The following TMEM266 variants were observed in gnomAD, a reference collection of about 807,000 sequenced individuals.
TMEM266 encodes transmembrane protein 266, also known as Hv1 related protein 1.
In TMEM266, 33 loss-of-function variants were observed where a neutral mutation model predicts 50.5. The observed-to-expected ratio is 0.65, with a 90% CI of 0.50 to 0.87. The LOEUF (loss-of-function observed/expected upper bound fraction) is 0.87. Among genes scored for constraint, TMEM266 ranks in the 40% least tolerant of loss-of-function variants. TMEM266 has a pLI of 0.00. For missense variants in TMEM266, 655 were observed against 695.1 expected (o/e 0.94, Z 0.65); for synonymous variants, 310 against 292.3 (o/e 1.06, Z -0.62).
chr15:76,162,154 C>A (rs1262381803), intron 5 of TMEM266, among the ~76,000 whole-genome samples: 2 of 152,118 alleles, frequency 1.3e-5, no homozygotes, highest in Admixed American at 1.3e-4. Context: ...GCAGGGTCTG[C>A]AGGAGACTGG....
Position 76,203,871 on chromosome 15 carries a change from C to G in TMEM266, c.1152C>G (p.Ala384=), listed in dbSNP as rs1288358838. Reference sequence around the variant, plus strand: ...AACTCGGCGGTAATGGCACCAGCGCCACCTCGGAGAGTGCCTCCCGCAGCT... The same window carrying G: ...AACTCGGCGGTAATGGCACCAGCGCGACCTCGGAGAGTGCCTCCCGCAGCT... Residue 384 remains alanine (A), a synonymous_variant, in exon 11 of 11, where the codon GCC becomes GCG. Coordinates refer to ENST00000388942, the MANE Select transcript of TMEM266 (RefSeq NM_152335.3). 2 of 1,614,102 alleles carry G rather than the reference C, an allele frequency of 1.2e-6. No individual in the cohort carries two copies. Among genetic ancestry groups the G allele is most frequent in the African/African-American group, 1.3e-5 (1 of 74,948 alleles).
rs988040137 is a variant in TMEM266 at position 76,160,625 on chromosome 15, G to A, written c.456+457G>A. Among the ~76,000 whole-genome samples the A allele has an allele frequency of 2.0e-5, 3 of 152,222 alleles. No individual in the cohort carries two copies. Among genetic ancestry groups the A allele is most frequent in the Non-Finnish European group, 4.4e-5 (3 of 68,044 alleles). The stretch of plus-strand genomic sequence containing the variant: ...TGGGGCTGAAGCACGCAGTGGGTGG[G>A]GGAACGGGGTCACAGGGCCAGGCAG... On this transcript the variant is annotated intron_variant, in intron 5 of 10. Transcript: ENST00000388942. This position sits in a 1 kb window ranked among gnomAD's most constrained non-coding sequence, Gnocchi z 5.7.
chr15:76,141,971 T>C (rs2037686332), intron 3 of TMEM266, among the ~76,000 whole-genome samples: 1 of 152,272 alleles, frequency 6.6e-6, no homozygotes, highest in South Asian at 2.1e-4. Flanking sequence ...TACCACACTT[T>C]GTTTATCCAT....
At chr15:76,082,618 C>T (rs377639785) in intron 1 of TMEM266, among the ~76,000 whole-genome samples, 43 of 130,834 alleles carry the variant, frequency 3.3e-4, no homozygotes, top group African/African-American at 1.1e-3. Flanking sequence ...GGTGAAGGGG[C>T]GGCAAGCGTG....
At chr15:76,109,766 G>A (rs973087500) in intron 1 of TMEM266, among the ~76,000 whole-genome samples, 4 of 147,016 alleles carry the variant, frequency 2.7e-5, no homozygotes, top group African/African-American at 5.1e-5. Context: ...CTGGAGTACA[G>A]TGGTGTGATC....
At chr15:76,140,373 T>G (rs1417075315) in intron 3 of TMEM266, among the ~76,000 whole-genome samples, 7 of 152,144 alleles carry the variant, frequency 4.6e-5, no homozygotes. Flanking sequence ...TTTCCTGGGG[T>G]TTTCCCAAAA....
chr15:76,201,571 C>T (rs555929433), intron 9 of TMEM266, among the ~76,000 whole-genome samples: 38 of 152,290 alleles, frequency 2.5e-4, no homozygotes, highest in African/African-American at 8.9e-4. Flanking sequence ...TTCCCACCCC[C>T]CTTGACATGA....
intron 2 of TMEM266, among the ~76,000 whole-genome samples, chr15:76,134,553 G>A (rs1264742587): frequency 1.3e-5 from 2 of 152,202 alleles, no homozygotes; most frequent in African/African-American, 2.4e-5. Flanking sequence ...TATGAAACCC[G>A]GGGCAGAATT....
chr15:76,190,601 G>T (rs1398722615), intron 8 of TMEM266, among the ~76,000 whole-genome samples: 2 of 152,132 alleles, frequency 1.3e-5, no homozygotes, highest in Non-Finnish European at 2.9e-5. Context: ...GGGATGTTGG[G>T]GTGGGGGAAA....
At chr15:76,084,130 TAGTG>T (rs1331770964) in intron 1 of TMEM266, among the ~76,000 whole-genome samples, 1 of 151,928 alleles carries the variant, frequency 6.6e-6, no homozygotes, top group African/African-American at 2.4e-5. Flanking sequence ...CTGGGCAACA[TAGTG>T]AGACCCTCTC....
chr15:76,192,395 C>A (rs1197798343), intron 9 of TMEM266, among the ~76,000 whole-genome samples: 2 of 152,228 alleles, frequency 1.3e-5, no homozygotes, highest in Admixed American at 1.3e-4. Context: ...GTCCCCATTT[C>A]ATGCCTGTGG....
intron 3 of TMEM266, among the ~76,000 whole-genome samples, chr15:76,144,811 G>C (rs1039308805): frequency 6.6e-6 from 1 of 152,168 alleles, no homozygotes; most frequent in East Asian, 1.9e-4. Flanking sequence ...GAGAAGGGGA[G>C]AAGGGGAACA....
intron 8 of TMEM266, among the ~76,000 whole-genome samples, chr15:76,185,932 C>T (rs373912770): frequency 2.7e-4 from 41 of 152,128 alleles, no homozygotes; most frequent in Non-Finnish European, 3.8e-4. Flanking sequence ...AACCAAGGCC[C>T]GGGGAAGAAA....
intron 6 of TMEM266, 137 bp from the exon 7 acceptor site, chr15:76,170,856 A>C: frequency 3.0e-6 from 3 of 1,006,564 alleles, no homozygotes; most frequent in Non-Finnish European, 4.3e-6. Context: ...AGGAGGGGCC[A>C]CCCGGGGTGG....
chr15:76,130,259 C>T (rs998927132), intron 1 of TMEM266, among the ~76,000 whole-genome samples: 2 of 103,634 alleles, frequency 1.9e-5, no homozygotes, highest in Non-Finnish European at 4.0e-5. Context: ...AAAAAACCGC[C>T]GGGTGCAGTG....
chr15:76,071,843 C>G (rs180835903), intron 1 of TMEM266, among the ~76,000 whole-genome samples: 35 of 152,214 alleles, frequency 2.3e-4, no homozygotes, highest in African/African-American at 8.4e-4. Flanking sequence ...CAGTCTTACC[C>G]AGGGCAGGGG....
chr15:76,168,287 T>C lies in TMEM266; in HGVS notation c.457-1529T>C, dbSNP rs1359092762. On this transcript the variant is annotated intron_variant, in intron 5 of 10. Coordinates refer to ENST00000388942, the MANE Select transcript of TMEM266 (RefSeq NM_152335.3). This position sits in a 1 kb window ranked among gnomAD's most constrained non-coding sequence, Gnocchi z 4.4. ...CTCTACTCAGAGAAGGCAACATGACTGTCCCCCACAAGCATTCACCTTCCC... is the reference window on the plus strand; with the variant it reads ...CTCTACTCAGAGAAGGCAACATGACCGTCCCCCACAAGCATTCACCTTCCC... 1.3e-5 allele frequency among the ~76,000 whole-genome samples: 2 copies of C among 152,240 alleles called. No homozygotes were observed. Among genetic ancestry groups the C allele is most frequent in the African/African-American group, 4.8e-5 (2 of 41,474 alleles).
chr15:76,162,902 T>G (rs1596144587), intron 5 of TMEM266, among the ~76,000 whole-genome samples: 1 of 152,058 alleles, frequency 6.6e-6, no homozygotes. Context: ...GGGCCGAGGG[T>G]GGGGCGGCAC....
chr15:76,082,156 T>C (rs4886759), intron 1 of TMEM266, among the ~76,000 whole-genome samples: 116,833 of 152,176 alleles, frequency 0.77, 45,507 homozygotes, highest in Admixed American at 0.84. Context: ...AAAATACATA[T>C]AGTCTCTTTT....
Sources: gnomAD v4.1 joint callset for allele counts (sites outside exome capture counted in the v4.1 genomes callset) on GRCh38, gnomAD v4.1.1 for gene constraint, Gnocchi (gnomAD v3.1) non-coding constraint, MANE v1.5 for transcripts, NCBI Gene and HGNC (gene_info 2026-07-23, HGNC 2026-07-21) for gene names.